SPMIP11: variants seen among roughly 807,000 people sequenced by gnomAD.
SPMIP11 encodes the protein long intergenic non-protein coding RNA 935.
the SPMIP11 span, among the ~76,000 whole-genome samples, chr12:48,757,508 T>C: frequency 6.6e-6 from 1 of 150,794 alleles, no homozygotes; most frequent in African/African-American, 2.4e-5. Context: ...GAGCCAGGCG[T>C]GGTGGTGAGC....
chr12:48,766,280 C>T, the SPMIP11 span: 1 of 152,678 alleles, frequency 6.5e-6, no homozygotes, highest in African/African-American at 2.4e-5. Flanking sequence ...CCCACCCCCA[C>T]AGTGGTTACA....
chr12:48,728,156 C>T, the SPMIP11 span, among the ~76,000 whole-genome samples: 2 of 152,106 alleles, frequency 1.3e-5, no homozygotes, highest in Non-Finnish European at 2.9e-5. Context: ...ATGTGCCTGG[C>T]ATTATGTTGG....
At chr12:48,757,465 G>T in the SPMIP11 span, among the ~76,000 whole-genome samples, 3 of 151,648 alleles carry the variant, frequency 2.0e-5, no homozygotes, top group African/African-American at 7.3e-5. Context: ...GGCCAATATG[G>T]TGAAATCCTG....
the SPMIP11 span, among the ~76,000 whole-genome samples, chr12:48,734,014 C>T: frequency 9.2e-5 from 14 of 151,832 alleles, no homozygotes; most frequent in East Asian, 1.9e-4. Context: ...TCAAGTGATC[C>T]GCCTGCCTCG....
At chr12:48,753,656 G>C in the SPMIP11 span, among the ~76,000 whole-genome samples, 2 of 150,620 alleles carry the variant, frequency 1.3e-5, no homozygotes, top group Non-Finnish European at 3.0e-5. Context: ...CCAGCAGAGG[G>C]CACTGTTGTT....
At chr12:48,745,825 G>A in the SPMIP11 span, among the ~76,000 whole-genome samples, 1 of 152,052 alleles carries the variant, frequency 6.6e-6, no homozygotes, top group Non-Finnish European at 1.5e-5. Flanking sequence ...GACACTGAGT[G>A]AAAATATTTG....
the SPMIP11 span, among the ~76,000 whole-genome samples, chr12:48,738,827 T>C: frequency 6.6e-6 from 1 of 151,976 alleles, no homozygotes; most frequent in African/African-American, 2.4e-5. Context: ...ATCCAGCCCA[T>C]ACCCAAGGGA....
At chr12:48,770,694 C>T in the SPMIP11 span, 3 of 1,493,040 alleles carry the variant, frequency 2.0e-6, no homozygotes, top group African/African-American at 1.4e-5. Context: ...GTGATCCCAT[C>T]CCCAGCCTAT....
chr12:48,762,751 CT>C, the SPMIP11 span, among the ~76,000 whole-genome samples: 1 of 152,026 alleles, frequency 6.6e-6, no homozygotes, highest in Non-Finnish European at 1.5e-5. Context: ...GGGAGGGTGG[CT>C]ATAAAATGCC....
At chr12:48,750,224 G>T in the SPMIP11 span, among the ~76,000 whole-genome samples, 7 of 152,144 alleles carry the variant, frequency 4.6e-5, no homozygotes, top group Admixed American at 1.3e-4. Context: ...ATAGTGGCAC[G>T]CACCTTTAGT....
the SPMIP11 span, among the ~76,000 whole-genome samples, chr12:48,743,648 A>C: frequency 1.3e-5 from 2 of 151,804 alleles, no homozygotes; most frequent in Non-Finnish European, 2.9e-5. Flanking sequence ...CTCTATTAAA[A>C]ATACAAAAAA....
chr12:48,749,723 G>T, the SPMIP11 span, among the ~76,000 whole-genome samples: 3 of 131,182 alleles, frequency 2.3e-5, no homozygotes, highest in Non-Finnish European at 3.1e-5. Context: ...ATGGAGTCTT[G>T]CCCTGTTGCC....
At chr12:48,737,466 G>A in the SPMIP11 span, among the ~76,000 whole-genome samples, 1 of 149,664 alleles carries the variant, frequency 6.7e-6, no homozygotes, top group Non-Finnish European at 1.5e-5. Context: ...CCAGGCAGGA[G>A]TGCAGTGGCG....
At chr12:48,753,984 T>G in the SPMIP11 span, among the ~76,000 whole-genome samples, 1,021 of 152,236 alleles carry the variant, frequency 6.7e-3, 11 homozygotes, top group African/African-American at 0.023. Flanking sequence ...ATTACAGGCA[T>G]GAGCCACTGT....
the SPMIP11 span, among the ~76,000 whole-genome samples, chr12:48,763,029 G>A: frequency 2.0e-5 from 3 of 151,442 alleles, no homozygotes; most frequent in South Asian, 2.1e-4. Context: ...TGGTTTCCCC[G>A]TATTATTCAT....
the SPMIP11 span, among the ~76,000 whole-genome samples, chr12:48,740,213 G>T: frequency 6.6e-6 from 1 of 152,132 alleles, no homozygotes; most frequent in African/African-American, 2.4e-5. Flanking sequence ...TGTAAGACTT[G>T]TAAAAAGAAT....
the SPMIP11 span, among the ~76,000 whole-genome samples, chr12:48,759,525 A>G: frequency 6.6e-6 from 1 of 152,118 alleles, no homozygotes; most frequent in Non-Finnish European, 1.5e-5. Flanking sequence ...CATCTCTACT[A>G]AAAATACAAA....
At chr12:48,769,006 A>AG in the SPMIP11 span, 1 of 1,613,944 alleles carries the variant, frequency 6.2e-7, no homozygotes, top group Non-Finnish European at 8.5e-7. Flanking sequence ...CCCAGATGTC[A>AG]TACTGTGGCT....
At chr12:48,732,595 C>A in the SPMIP11 span, among the ~76,000 whole-genome samples, 17 of 151,384 alleles carry the variant, frequency 1.1e-4, no homozygotes, top group South Asian at 2.1e-4. Flanking sequence ...CATGGTGAAA[C>A]CCCGTCTCTA....
Sources: gnomAD v4.1 joint callset for allele counts (sites outside exome capture counted in the v4.1 genomes callset) on GRCh38, gnomAD v4.1.1 for gene constraint, MANE v1.5 for transcripts, NCBI Gene and HGNC (gene_info 2026-07-23, HGNC 2026-07-21) for gene names.